The following TCFL5 variants were observed in gnomAD, a reference collection of about 807,000 sequenced individuals.
The protein encoded by TCFL5 is transcription factor-like 5 protein.
TCFL5 carries 9 observed loss-of-function variants against 44.3 expected under a neutral mutation model. The observed-to-expected ratio is 0.20, with a 90% confidence interval of 0.12 to 0.35. The LOEUF (loss-of-function observed/expected upper bound fraction) is 0.35. TCFL5 is among the 10% of genes least tolerant of loss of function. The pLI is 1.00. For synonymous variants in TCFL5, 319 were observed against 271.6 expected (o/e 1.17, Z -1.72); for missense variants, 603 against 613.4 (o/e 0.98, Z 0.18).
chr20:62,854,222 C>A (rs575154890), intron 4 of TCFL5, 65 bp from the exon 5 acceptor site: 1 of 1,585,244 alleles, frequency 6.3e-7, no homozygotes, highest in East Asian at 2.2e-5. Flanking sequence ...TAAAAGGAAG[C>A]GTCTCCTGTA....
intron 3 of TCFL5, 41 bp downstream of exon 3, chr20:62,859,323 G>A (rs756232770): frequency 6.9e-6 from 11 of 1,587,646 alleles, no homozygotes; most frequent in Middle Eastern, 1.7e-4. Flanking sequence ...ACAGGGCTCA[G>A]TCAGAAGAAA....
chr20:62,854,613 C>T (rs978482328), intron 4 of TCFL5, among the ~76,000 whole-genome samples: 2 of 152,220 alleles, frequency 1.3e-5, no homozygotes, highest in African/African-American at 2.4e-5. Context: ...ACCAGGAACT[C>T]GTGCACAGCT....
intron 5 of TCFL5, among the ~76,000 whole-genome samples, chr20:62,843,340 T>C (rs1306806441): frequency 6.6e-6 from 1 of 152,186 alleles, no homozygotes; most frequent in Non-Finnish European, 1.5e-5. Flanking sequence ...AGGAGACTGA[T>C]AATGCGGTTG....
intron 3 of TCFL5, among the ~76,000 whole-genome samples, chr20:62,859,138 C>T (rs1033610985): frequency 4.6e-5 from 7 of 152,192 alleles, no homozygotes; most frequent in Admixed American, 2.0e-4. Flanking sequence ...AGCCCTCAAA[C>T]GCAACGTTCT....
intron 5 of TCFL5, chr20:62,846,026 T>C (rs1336335739): frequency 2.9e-6 from 4 of 1,366,876 alleles, no homozygotes; most frequent in Non-Finnish European, 2.9e-6. Context: ...TGCTGTTCTG[T>C]AGGCGTGTTG....
intron 3 of TCFL5, 37 bp from the exon 4 acceptor site, chr20:62,857,675 T>C: frequency 6.2e-7 from 1 of 1,600,098 alleles, no homozygotes; most frequent in Non-Finnish European, 8.5e-7. Flanking sequence ...TTTAATTTTG[T>C]ATTCTTATCT....
At chr20:62,856,277 G>C (rs965311389) in intron 4 of TCFL5, among the ~76,000 whole-genome samples, 1 of 137,752 alleles carries the variant, frequency 7.3e-6, no homozygotes, top group African/African-American at 2.6e-5. Flanking sequence ...AAAAGAAAAA[G>C]AAAAGAAAAC....
intron 4 of TCFL5, 112 bp from the exon 5 acceptor site, chr20:62,854,269 C>G: frequency 7.3e-7 from 1 of 1,373,058 alleles, no homozygotes; most frequent in South Asian, 1.4e-5. Flanking sequence ...ATCCTGGCCA[C>G]TGAGTGCCAC....
chr20:62,860,131 C>A lies in TCFL5; in HGVS notation c.825G>T (p.Gln275His). 6.2e-7 allele frequency: 1 copy of A among 1,606,690 alleles called. No homozygotes were observed. The highest frequency in any genetic ancestry group is 1.1e-5 in the South Asian group (1 of 90,846). The change falls in exon 2 of 6, where the codon CAG becomes CAT. Residue 275 changes from glutamine (Q) to histidine (H), a missense_variant. By Grantham distance (24) the Gln-to-His change is conservative. Transcript: ENST00000335351. ...CACAAATCATGTTCCCTACCTGTGT[C>A]TGTGAAAGATTAGAATTTCCACTAG... The part of the protein sequence containing the change: ...CSTSGNSNLS[Q>H]TQSSSNSCSV...
intron 5 of TCFL5, chr20:62,845,826 A>G (rs2063735309): frequency 3.1e-6 from 5 of 1,598,084 alleles, no homozygotes; most frequent in Non-Finnish European, 3.4e-6. Context: ...CTCTCTCATT[A>G]TAAAAGTGAT....
chr20:62,856,259 A>AAG (rs1358830589), intron 4 of TCFL5, among the ~76,000 whole-genome samples: 1 of 146,794 alleles, frequency 6.8e-6, no homozygotes, highest in Non-Finnish European at 1.5e-5. Context: ...TCTCAAAAAA[A>AAG]AAAAAAAAAA....
intron 5 of TCFL5, among the ~76,000 whole-genome samples, chr20:62,853,784 T>C (rs2063847863): frequency 6.6e-6 from 1 of 152,196 alleles, no homozygotes; most frequent in African/African-American, 2.4e-5. Context: ...ATCTGACAAT[T>C]GCCTCTTCAC....
chr20:62,844,754 C>A (rs953494330), intron 5 of TCFL5: 2 of 429,898 alleles, frequency 4.7e-6, no homozygotes, highest in African/African-American at 4.3e-5. Context: ...TGCCACCACA[C>A]CCGGCTAATT....
intron 5 of TCFL5, chr20:62,852,111 C>T (rs2063817842): frequency 1.0e-6 from 1 of 985,312 alleles, no homozygotes; most frequent in Non-Finnish European, 1.2e-6. Context: ...GGCCTGGGAG[C>T]CCTTCTTGGA....
At chr20:62,852,497 C>T in intron 5 of TCFL5, 3 of 985,510 alleles carry the variant, frequency 3.0e-6, no homozygotes, top group Non-Finnish European at 3.6e-6. Context: ...ATTCAAATCA[C>T]ACGTCTAGTT....
chr20:62,841,973 G>A lies in TCFL5; in HGVS notation c.*2C>T, dbSNP rs375065403. 3.8e-5 allele frequency: 61 copies of A among 1,613,832 alleles called. No homozygotes were observed. Among genetic ancestry groups the A allele is most frequent in the Non-Finnish European group, 4.4e-5 (52 of 1,179,982 alleles). On this transcript the variant is annotated 3_prime_UTR_variant, in exon 6 of 6. Transcript: ENST00000335351. Reference sequence around the variant, plus strand: ...CCCCCCGAGGATTCCTGTTCAGTCCGATCACTTGATCTCCATCGAGGGGCT... The same window carrying A: ...CCCCCCGAGGATTCCTGTTCAGTCCAATCACTTGATCTCCATCGAGGGGCT...
chr20:62,846,105 T>C, intron 5 of TCFL5: 1 of 1,311,834 alleles, frequency 7.6e-7, no homozygotes, highest in South Asian at 1.2e-5. Context: ...TATCTGGAGT[T>C]TGTGCTTAGA....
At chr20:62,845,438 A>T (rs1170318965) in intron 5 of TCFL5, 1 of 1,290,768 alleles carries the variant, frequency 7.7e-7, no homozygotes, top group African/African-American at 1.5e-5. Context: ...CCAAATTTTA[A>T]AAGGTTTTAG....
At chr20:62,848,133 A>T (rs1375228978) in intron 5 of TCFL5, among the ~76,000 whole-genome samples, 1 of 152,234 alleles carries the variant, frequency 6.6e-6, no homozygotes, top group Admixed American at 6.5e-5. Flanking sequence ...AGGGCCTGAC[A>T]ACAGACAGCA....
Sources: allele counts gnomAD v4.1 joint callset (sites outside exome capture counted in the v4.1 genomes callset), GRCh38; gene constraint gnomAD v4.1.1; transcripts MANE v1.5; gene names NCBI Gene and HGNC (gene_info 2026-07-23, HGNC 2026-07-21).